The following CSAD variants were observed in gnomAD, a reference collection of about 807,000 sequenced individuals.
CSAD encodes P-selectin cytoplasmic tail-associated protein.
In CSAD, 47 loss-of-function variants were observed where a neutral mutation model predicts 61.5. That is an observed-to-expected ratio of 0.76 (90% CI 0.60 to 0.97). CSAD has a LOEUF of 0.97. CSAD is among the 50% of genes least tolerant of loss of function. The pLI, the probability that CSAD is intolerant of heterozygous loss-of-function variation, is 0.00. For synonymous variants in CSAD, 245 were observed against 252.7 expected (o/e 0.97, Z 0.29); for missense variants, 611 against 643.6 (o/e 0.95, Z 0.55).
chr12:53,176,905 T>A (rs866346227), intron 2 of CSAD, among the ~76,000 whole-genome samples: 3 of 151,806 alleles, frequency 2.0e-5, no homozygotes, highest in Non-Finnish European at 4.4e-5. Context: ...GTTAATTTTT[T>A]AATTTTTTGT....
Position 53,157,793 on chromosome 12 carries a change from G to A in CSAD, c.*718C>T, listed in dbSNP as rs1938731149. 6.6e-6 allele frequency: 1 copy of A among 152,006 alleles called. No individual in the cohort carries two copies. Among genetic ancestry groups the A allele is most frequent in the South Asian group, 2.1e-4 (1 of 4,822 alleles). The allele number at this position is 152,006 out of a possible 1,614,324, so 9.4% of individuals were successfully genotyped here. ...TTTTTGTTTGTTTGTTTTTTTAAAGGAGTCTGTTTTAAAATTGCCTATTAT... is the reference window on the plus strand; with the variant it reads ...TTTTTGTTTGTTTGTTTTTTTAAAGAAGTCTGTTTTAAAATTGCCTATTAT... On this transcript the variant is annotated 3_prime_UTR_variant, in exon 17 of 17. Coordinates refer to ENST00000444623, the MANE Select transcript of CSAD (RefSeq NM_001244705.2).
At position 53,172,606 on chromosome 12, in the gene CSAD, C is replaced by T; in HGVS notation, c.169G>A (p.Asp57Asn). 1 of 1,611,048 alleles carries T rather than the reference C, an allele frequency of 6.2e-7. No homozygotes were observed. The highest frequency in any genetic ancestry group is 8.5e-7 in the Non-Finnish European group (1 of 1,178,988). Reference protein sequence around the residue: ...KEPEELKQLLDLELRSQGESQ... With the variant: ...KEPEELKQLLNLELRSQGESQ... ...TCGCCCTGGCTCCGCAGCTCCAAAT[C>T]CAGCAGCTGCTTCAGCTCCTCAGGC... is the stretch of plus-strand genomic sequence containing the variant. Residue 57 changes from aspartate to asparagine, a missense_variant, in exon 5 of 17, where the codon GAT becomes AAT. Coordinates refer to ENST00000444623, the MANE Select transcript of CSAD (RefSeq NM_001244705.2).
intron 16 of CSAD, 101 bp downstream of exon 16, chr12:53,159,522 A>G: frequency 1.1e-6 from 1 of 940,388 alleles, no homozygotes; most frequent in Non-Finnish European, 1.7e-6. Context: ...GCAAGAGACC[A>G]GCAAGGAGAC....
At chr12:53,170,565 G>A (rs1432665956) in intron 8 of CSAD, 63 bp from the exon 9 acceptor site, 10 of 1,301,692 alleles carry the variant, frequency 7.7e-6, no homozygotes, top group Non-Finnish European at 1.1e-5. Context: ...GAAGGTAAAA[G>A]TCAAGTGTGA....
intron 6 of CSAD, 72 bp from the exon 7 acceptor site, chr12:53,172,060 G>C: frequency 3.7e-6 from 4 of 1,090,540 alleles, no homozygotes; most frequent in Non-Finnish European, 5.5e-6. Flanking sequence ...AAACTGCACA[G>C]GAGTCACAAA....
intron 7 of CSAD, 152 bp from the exon 8 acceptor site, chr12:53,171,593 G>T: frequency 1.4e-6 from 1 of 728,706 alleles, no homozygotes; most frequent in Non-Finnish European, 2.2e-6. Flanking sequence ...ATCCCAGAAT[G>T]GATCCAGGAT....
In CSAD at chr12:53,160,841, A is replaced by G. The variant is rs147711776; in HGVS notation, c.888T>C (p.Ala296=). 9 of 1,551,848 alleles carry G rather than the reference A, an allele frequency of 5.8e-6. No homozygotes were observed. In the African/African-American group the frequency reaches 1.2e-4, roughly 21 times the overall value. The change falls in exon 13 of 17, where the codon GCT becomes GCC. Residue 296 remains alanine (A), a synonymous_variant. Coordinates refer to ENST00000444623, the MANE Select transcript of CSAD (RefSeq NM_001244705.2). ...TGTGGGGATTCCAGGCCACAGAGTC[A>G]GCCCTGGATGGGGTGGAGCAAAGGC... ...HRHLLDGIQR[A]DSVAWNPHKL... is the part of the protein sequence containing the mutation.
rs933555704 is a variant in CSAD, at chr12:53,180,732, C to G, written c.-91G>C. The G allele has an allele frequency of 1.6e-6, 2 of 1,264,502 alleles. No individual in the cohort carries two copies. The allele number at this position is 1,264,502 out of a possible 1,614,324, so 78.3% of individuals were successfully genotyped here. A position where few individuals can be genotyped will look rare whatever the true frequency, so the allele number is the denominator to read the frequency against. On this transcript the variant is annotated splice_region_variant and 5_prime_UTR_variant, in exon 1 of 17. Transcript: ENST00000444623. ...CCGGGGTTGGTGTTTGTAAACTTGC[C>G]TCGGTCCCGGTGGGGGCAGCCGCGG...
At chr12:53,163,519 A>G (rs1473933132) in intron 10 of CSAD, among the ~76,000 whole-genome samples, 1 of 152,238 alleles carries the variant, frequency 6.6e-6, no homozygotes, top group African/African-American at 2.4e-5. Context: ...ATCTCTATAC[A>G]CATTAGCAAT....
At position 53,173,730 on chromosome 12, in the gene CSAD, C is replaced by A; in HGVS notation, c.-9G>T. The A allele has an allele frequency of 6.2e-7, 1 of 1,609,286 alleles. No individual in the cohort carries two copies. Among genetic ancestry groups the A allele is most frequent in the Non-Finnish European group, 8.5e-7 (1 of 1,175,910 alleles). On this transcript the variant is annotated splice_region_variant and 5_prime_UTR_variant, in exon 3 of 17. Coordinates refer to ENST00000444623, the MANE Select transcript of CSAD (RefSeq NM_001244705.2). ...ACCTAAGGCAGAGACAAGCTTACCT[C>A]TCTGCTCAGGAGAGCCGGAGGCAGG...
At chr12:53,159,493 A>G in intron 16 of CSAD, 130 bp downstream of exon 16, 1 of 704,590 alleles carries the variant, frequency 1.4e-6, no homozygotes, top group Non-Finnish European at 2.4e-6. Flanking sequence ...TACCGAAAAG[A>G]GAGCATCCAC....
Position 53,172,593 on chromosome 12 carries a change from C to A in CSAD, c.182G>T (p.Arg61Leu). 6.2e-7 allele frequency: 1 copy of A among 1,611,878 alleles called. No homozygotes were observed. The highest frequency in any genetic ancestry group is 1.1e-5 in the South Asian group (1 of 90,612). ...ELKQLLDLEL[R>L]SQGESQKQIL... Reference sequence around the variant, plus strand: ...CTGCTTCTGTGACTCGCCCTGGCTCCGCAGCTCCAAATCCAGCAGCTGCTT... The same window carrying A: ...CTGCTTCTGTGACTCGCCCTGGCTCAGCAGCTCCAAATCCAGCAGCTGCTT... The change falls in exon 5 of 17, where the codon CGG (arginine) becomes CTG (leucine). Residue 61 changes from arginine (R) to leucine (L), a missense_variant. By Grantham distance (102) the Arg-to-Leu change is moderately radical. Transcript: ENST00000444623.
intron 13 of CSAD, 70 bp from the exon 14 acceptor site, chr12:53,160,389 G>T (rs1939144064): frequency 4.8e-6 from 7 of 1,469,876 alleles, no homozygotes; most frequent in Non-Finnish European, 6.6e-6. Context: ...GCTGCACTGT[G>T]GGGGTCTTAG....
chr12:53,172,843 G>C (rs1241111838), intron 4 of CSAD, among the ~76,000 whole-genome samples, 195 bp from the exon 5 acceptor site: 3 of 152,208 alleles, frequency 2.0e-5, no homozygotes, highest in Admixed American at 1.3e-4. Flanking sequence ...GGTACCCAGG[G>C]GGGCAGGGAT....
At chr12:53,171,011 G>A (rs1592341069) in intron 8 of CSAD, 9 of 510,836 alleles carry the variant, frequency 1.8e-5, no homozygotes, top group Middle Eastern at 4.5e-4. Flanking sequence ...GTGAGTCACC[G>A]TGCCCGGCCA....
At chr12:53,162,060 G>C (rs1202443277) in intron 10 of CSAD, among the ~76,000 whole-genome samples, 3 of 151,982 alleles carry the variant, frequency 2.0e-5, no homozygotes, top group Non-Finnish European at 4.4e-5. Context: ...AGGAGTTCAA[G>C]ACCAGCCTGG....
chr12:53,158,552 A>G lies in CSAD; in HGVS notation c.1441T>C (p.Phe481Leu), dbSNP rs201988379. The stretch of plus-strand genomic sequence containing the variant: ...AGCCGCTCCAGCTCGTTGAGGAGGA[A>G]GTCCATATCAGCACAGGTCAGTGCA... ...NSALTCADMD[F>L]LLNELERLGQ... The change falls in exon 17 of 17, where the codon TTC becomes CTC. Residue 481 changes from phenylalanine (F) to leucine (L), a missense_variant. Coordinates refer to ENST00000444623, the MANE Select transcript of CSAD (RefSeq NM_001244705.2). 1 of 1,613,284 alleles carries G rather than the reference A, an allele frequency of 6.2e-7. No homozygotes were observed. Among genetic ancestry groups the G allele is most frequent in the African/African-American group, 1.3e-5 (1 of 74,286 alleles).
intron 3 of CSAD, 80 bp from the exon 4 acceptor site, chr12:53,173,556 C>G (rs561176926): frequency 1.2e-6 from 2 of 1,609,772 alleles, no homozygotes; most frequent in African/African-American, 2.7e-5. Flanking sequence ...CTCTCCCAAA[C>G]GGGCCTGAGG....
At chr12:53,175,518 AC>A (rs540852020) in intron 2 of CSAD, among the ~76,000 whole-genome samples, 99 of 152,322 alleles carry the variant, frequency 6.5e-4, no homozygotes, top group African/African-American at 2.3e-3. Flanking sequence ...TCCTATGTAT[AC>A]AATCTTTTCT....
Sources: allele counts gnomAD v4.1 joint callset (sites outside exome capture counted in the v4.1 genomes callset), GRCh38; gene constraint gnomAD v4.1.1; transcripts MANE v1.5; gene names NCBI Gene and HGNC (gene_info 2026-07-23, HGNC 2026-07-21).